The following GREB1L variants were observed in gnomAD, a reference collection of about 807,000 sequenced individuals.
The protein encoded by GREB1L is GREB1-like protein.
A neutral mutation model predicts 200.8 loss-of-function variants in GREB1L; 17 were observed. The ratio of observed to expected loss-of-function variants is 0.08; its 90% confidence interval spans 0.06 to 0.13. The LOEUF is 0.13. GREB1L is among the 10% of genes least tolerant of loss of function. GREB1L has a pLI of 1.00. For synonymous variants in GREB1L, 789 were observed against 893.0 expected (o/e 0.88, Z 2.08); for missense variants, 1,657 against 2,367.7 (o/e 0.70, Z 6.23).
chr18:21,268,809 G>T (rs2038033186), intron 1 of GREB1L, among the ~76,000 whole-genome samples: 1 of 151,310 alleles, frequency 6.6e-6, no homozygotes. Flanking sequence ...TGTTGCCCGG[G>T]CTGGTCTTGA....
rs570414935 is a variant in GREB1L at position 21,448,130 on chromosome 18, C to G, written c.1394-1380C>G. ...TGAGCCGAGATCGCGCCACTGCACT[C>G]CAGCCTGGATGACAAAGGGAAACTG... On this transcript the variant is annotated intron_variant, in intron 11 of 32. Transcript: ENST00000424526. Among the ~76,000 whole-genome samples the G allele has an allele frequency of 3.9e-4, 58 of 148,600 alleles. No individual in the cohort carries two copies. The South Asian group carries it at 0.012, about 32-fold the overall frequency.
chr18:21,416,033 G>A (rs1236360989), intron 7 of GREB1L, among the ~76,000 whole-genome samples: 2 of 152,100 alleles, frequency 1.3e-5, no homozygotes, highest in East Asian at 3.9e-4. Context: ...GTGCAGAACT[G>A]ACACGTTAGA....
At chr18:21,505,328 T>C in intron 23 of GREB1L, 84 bp from the exon 24 acceptor site, 1 of 1,309,744 alleles carries the variant, frequency 7.6e-7, no homozygotes, top group African/African-American at 1.5e-5. Context: ...ATCTGGGCTC[T>C]ACGTCCCATA....
chr18:21,243,405 C>T (rs2037539486), intron 1 of GREB1L, among the ~76,000 whole-genome samples: 2 of 152,216 alleles, frequency 1.3e-5, no homozygotes, highest in Non-Finnish European at 2.9e-5. Context: ...AGGTCCTTAT[C>T]CTCCCCACCC....
At chr18:21,452,243 G>C in intron 14 of GREB1L, 26 bp downstream of exon 14, 1 of 1,549,152 alleles carries the variant, frequency 6.5e-7, no homozygotes, top group Non-Finnish European at 8.7e-7. Context: ...ACCAAGAGGA[G>C]GAAGTCAGTC....
At chr18:21,294,423 G>A (rs1319665645) in intron 1 of GREB1L, among the ~76,000 whole-genome samples, 1 of 151,912 alleles carries the variant, frequency 6.6e-6, no homozygotes, top group Non-Finnish European at 1.5e-5. Context: ...GCAGAGAGGA[G>A]ATAACATGGA....
intron 4 of GREB1L, among the ~76,000 whole-genome samples, chr18:21,389,398 CT>C (rs11302945): frequency 0.39 from 48,866 of 125,860 alleles, 13,273 homozygotes; most frequent in African/African-American, 0.77. Context: ...AACCTCTTGA[CT>C]TTTTTTTTTT....
intron 1 of GREB1L, among the ~76,000 whole-genome samples, chr18:21,364,538 G>A (rs2039632613): frequency 6.6e-6 from 1 of 152,104 alleles, no homozygotes; most frequent in Non-Finnish European, 1.5e-5. Context: ...AAGACCATAG[G>A]TTGAAAGGCA....
intron 5 of GREB1L, among the ~76,000 whole-genome samples, chr18:21,400,923 ACCTTT>A (rs1761917291): frequency 6.6e-6 from 1 of 152,146 alleles, no homozygotes; most frequent in South Asian, 2.1e-4. Flanking sequence ...TTAGAGATTA[ACCTTT>A]CCTTTCCTTT....
chr18:21,347,822 A>G (rs2039371472), intron 1 of GREB1L, among the ~76,000 whole-genome samples: 1 of 139,334 alleles, frequency 7.2e-6, no homozygotes. Flanking sequence ...GCTGGAGTGC[A>G]GTGGCACAAT....
At chr18:21,308,507 C>T (rs568473745) in intron 1 of GREB1L, among the ~76,000 whole-genome samples, 4 of 152,320 alleles carry the variant, frequency 2.6e-5, no homozygotes, top group African/African-American at 4.8e-5. Flanking sequence ...CTATCACCGT[C>T]GTCATCATCG....
At chr18:21,423,948 C>A (rs2032366273) in intron 7 of GREB1L, among the ~76,000 whole-genome samples, 1 of 152,206 alleles carries the variant, frequency 6.6e-6, no homozygotes, top group African/African-American at 2.4e-5. Context: ...ATTATACGTT[C>A]TTGCACTTCT....
chr18:21,508,706 C>T (rs1480622967), intron 27 of GREB1L, 115 bp downstream of exon 27: 4 of 648,362 alleles, frequency 6.2e-6, no homozygotes, highest in Admixed American at 3.0e-5. Flanking sequence ...CCCTCCTCAC[C>T]ACTCTTCGGA....
chr18:21,254,878 C>CT (rs1282873303), intron 1 of GREB1L, among the ~76,000 whole-genome samples: 1 of 152,096 alleles, frequency 6.6e-6, no homozygotes, highest in African/African-American at 2.4e-5. Flanking sequence ...AAGAATTTAC[C>CT]TACACACATT....
intron 1 of GREB1L, among the ~76,000 whole-genome samples, chr18:21,299,900 A>G (rs974344238): frequency 1.3e-5 from 2 of 152,196 alleles, no homozygotes; most frequent in African/African-American, 4.8e-5. Context: ...AGACATTATG[A>G]TAAAATAAAT....
chr18:21,501,248 G>T lies in GREB1L; in HGVS notation c.4072+606G>T, dbSNP rs1285958844. On this transcript the variant is annotated intron_variant, in intron 23 of 32. Transcript: ENST00000424526. Reference sequence around the variant, plus strand: ...AAAAAGGCGTTTTGGTTTTTGGGCTGTTTTTTTTTTTTTAATTTAAGTTCT... The same window carrying T: ...AAAAAGGCGTTTTGGTTTTTGGGCTTTTTTTTTTTTTTTAATTTAAGTTCT... 2.4e-3 allele frequency among the ~76,000 whole-genome samples: 335 copies of T among 141,220 alleles called. 1 individual carries two copies. Among genetic ancestry groups the T allele is most frequent in the Non-Finnish European group, 2.4e-3 (153 of 64,282 alleles). The allele number at this position is 141,220 out of a possible 152,430, so 92.6% of individuals were successfully genotyped here.
intron 7 of GREB1L, among the ~76,000 whole-genome samples, chr18:21,416,754 A>T (rs2031677029): frequency 6.6e-6 from 1 of 151,844 alleles, no homozygotes; most frequent in Non-Finnish European, 1.5e-5. Context: ...GGCTGGGCAC[A>T]GTGGCTCATG....
chr18:21,492,905 C>G (rs2036397066), intron 19 of GREB1L, among the ~76,000 whole-genome samples: 2 of 152,018 alleles, frequency 1.3e-5, no homozygotes, highest in Non-Finnish European at 2.9e-5. Context: ...GAGCTATGAT[C>G]CCACCACTGC....
intron 2 of GREB1L, among the ~76,000 whole-genome samples, chr18:21,373,240 C>A (rs960934494): frequency 6.6e-6 from 1 of 152,150 alleles, no homozygotes; most frequent in African/African-American, 2.4e-5. Context: ...TCCCTATCAA[C>A]CTTCTGTCTC....
Sources: allele counts gnomAD v4.1 joint callset (sites outside exome capture counted in the v4.1 genomes callset), GRCh38; gene constraint gnomAD v4.1.1; transcripts MANE v1.5; gene names NCBI Gene and HGNC (gene_info 2026-07-23, HGNC 2026-07-21).